Variants in NFATC4 observed in about 807,000 individuals in gnomAD.
NFATC4 encodes nuclear factor of activated T cells 4.
NFATC4 carries 25 observed loss-of-function variants against 73.4 expected under a neutral mutation model. That is an observed-to-expected ratio of 0.34 (90% CI 0.25 to 0.48). NFATC4 has a LOEUF of 0.48. NFATC4 is among the 20% of genes least tolerant of loss of function. The pLI, the probability that NFATC4 is intolerant of heterozygous loss-of-function variation, is 0.99. For synonymous variants in NFATC4, 523 were observed against 510.3 expected (o/e 1.02, Z -0.34); for missense variants, 1,130 against 1,203.7 (o/e 0.94, Z 0.91).
intron 2 of NFATC4, 172 bp from the exon 3 acceptor site, chr14:24,372,269 A>G: frequency 1.5e-6 from 1 of 672,678 alleles, no homozygotes; most frequent in Non-Finnish European, 2.4e-6. Flanking sequence ...TCCTTTTTTT[A>G]GTTTAAAAAA....
In NFATC4 at chr14:24,377,530, C is replaced by T. The variant is rs1039867773; in HGVS notation, c.2642-108C>T. Reference sequence around the variant, plus strand: ...GAATAGAAGCCAGTAGAGGAGGAATCTAGAGGCCTCCTAGATTAAGACCTG... The same window carrying T: ...GAATAGAAGCCAGTAGAGGAGGAATTTAGAGGCCTCCTAGATTAAGACCTG... On this transcript the variant is annotated intron_variant, in intron 9 of 9. Coordinates refer to ENST00000250373, the MANE Select transcript of NFATC4 (RefSeq NM_004554.5). This position sits in a 1 kb window ranked among gnomAD's most constrained non-coding sequence, Gnocchi z 4.2. 2.0e-5 allele frequency: 32 copies of T among 1,564,482 alleles called. No individual in the cohort carries two copies. Among genetic ancestry groups the T allele is most frequent in the Non-Finnish European group, 2.7e-5 (31 of 1,156,090 alleles).
intron 5 of NFATC4, chr14:24,374,115 G>A (rs1206640474): frequency 1.1e-6 from 1 of 883,344 alleles, no homozygotes; most frequent in Non-Finnish European, 1.8e-6. Context: ...GAAACTCCCT[G>A]GTCTACCCTG....
upstream of NFATC4, chr14:24,367,420 G>C (rs916363727): frequency 6.5e-7 from 1 of 1,535,652 alleles, no homozygotes; most frequent in Non-Finnish European, 8.7e-7. Context: ...GCTAATTCAC[G>C]GCCCCTCTGG....
chr14:24,367,093 C>T (rs760242590), upstream of NFATC4: 3 of 1,613,908 alleles, frequency 1.9e-6, no homozygotes, highest in Non-Finnish European at 2.5e-6. Context: ...CCGCCAGCCT[C>T]GCCAGTATCT....
chr14:24,379,524 A>C lies in NFATC4; in HGVS notation c.*1819A>C, dbSNP rs528779499. 6.6e-6 allele frequency: 1 copy of C among 152,384 alleles called. No individual in the cohort carries two copies. The highest frequency in any genetic ancestry group is 1.5e-5 in the Non-Finnish European group (1 of 68,044). The allele number at this position is 152,384 out of a possible 1,614,324, so 9.4% of individuals were successfully genotyped here. ...TGTCAGATATTTATTAAACAGCAGC[A>C]AAGTGCCAGCCAATTTGTCCTGGAG... is the stretch of plus-strand genomic sequence containing the variant. On this transcript the variant is annotated 3_prime_UTR_variant, in exon 10 of 10. Transcript: ENST00000250373.
chr14:24,369,459 CT>C lies in NFATC4; in HGVS notation c.101-37del, dbSNP rs1438920115. On this transcript the variant is annotated intron_variant, in intron 1 of 9. Transcript: ENST00000250373. ...ACATAGCCATCTCACCTGCTTCTCTCTTTCCCCCTCTCCCTCTGCTCCTCTT... is the reference window on the plus strand; with the variant it reads ...ACATAGCCATCTCACCTGCTTCTCTCTTCCCCCTCTCCCTCTGCTCCTCTT... 3.1e-6 allele frequency: 5 copies of C among 1,612,310 alleles called. No homozygotes were observed. The African/African-American group carries it at 6.7e-5, about 22-fold the overall frequency.
intron 2 of NFATC4, chr14:24,371,994 C>T (rs2042485515): frequency 6.3e-6 from 1 of 158,956 alleles, no homozygotes. Context: ...CAACGCACCT[C>T]AATTTTTTAA....
In NFATC4 at chr14:24,376,003, A is replaced by G; in HGVS notation, c.1958A>G (p.Tyr653Cys). 1 of 1,614,032 alleles carries G rather than the reference A, an allele frequency of 6.2e-7. No individual in the cohort carries two copies. Among genetic ancestry groups the G allele is most frequent in the Non-Finnish European group, 8.5e-7 (1 of 1,179,962 alleles). Residue 653 changes from tyrosine (Y) to cysteine (C), a missense_variant, in exon 8 of 10, where the codon TAC (tyrosine) becomes TGC (cysteine). Physicochemically the swap from Tyr to Cys is radical, Grantham distance 194. Transcript: ENST00000250373. The surrounding 1 kb of genome is among the most constrained non-coding windows in gnomAD (Gnocchi z 5.0). ...ACGCTGACCCTGACTGTCCCCGAGT[A>G]CAGCAACAAGAGGGTTTCCCGGCCA... ...EVTLTLTVPEYSNKRVSRPVQ... is the reference protein window; with the variant it reads ...EVTLTLTVPECSNKRVSRPVQ...
intron 6 of NFATC4, 147 bp from the exon 7 acceptor site, chr14:24,375,513 A>C (rs1566470080): frequency 1.4e-6 from 1 of 726,474 alleles, no homozygotes; most frequent in Non-Finnish European, 2.3e-6. Context: ...ATATTAAGTT[A>C]ACATGCAGTG....
chr14:24,375,156 C>A (rs1030048876), intron 6 of NFATC4, among the ~76,000 whole-genome samples: 2 of 152,066 alleles, frequency 1.3e-5, no homozygotes, highest in Admixed American at 6.5e-5. Flanking sequence ...CCACCTTGGC[C>A]TCCCAAGGTG....
In NFATC4 at chr14:24,369,518, C is replaced by G. The variant is rs755457001; in HGVS notation, c.120C>G (p.Ala40=). 92 of 1,610,224 alleles carry G rather than the reference C, an allele frequency of 5.7e-5. 1 individual carries two copies. The South Asian group carries it at 9.4e-4, about 16-fold the overall frequency. The change falls in exon 2 of 10, where the codon GCC becomes GCG. Residue 40 remains alanine, a synonymous_variant. Coordinates refer to ENST00000250373, the MANE Select transcript of NFATC4 (RefSeq NM_004554.5). Reference sequence around the variant, plus strand: ...TGACAGAACTGGACTCAGAGGATGCCCCGCCATGCTGCCGTCTGGCCTTGG... The same window carrying G: ...TGACAGAACTGGACTCAGAGGATGCGCCGCCATGCTGCCGTCTGGCCTTGG... The part of the protein sequence containing the change: ...GLGEELDSED[A]PPCCRLALGE...
Position 24,373,942 on chromosome 14 carries a change from A to T in NFATC4, c.1732+75A>T, listed in dbSNP as rs944994295. The T allele has an allele frequency of 1.3e-6, 2 of 1,580,756 alleles. No homozygotes were observed. The highest frequency in any genetic ancestry group is 8.6e-7 in the Non-Finnish European group (1 of 1,159,342). On this transcript the variant is annotated intron_variant, in intron 5 of 9. Coordinates refer to ENST00000250373, the MANE Select transcript of NFATC4 (RefSeq NM_004554.5). The surrounding 1 kb of genome is among the most constrained non-coding windows in gnomAD (Gnocchi z 4.7). ...TCTGTGTGTGTGTGTCTGTCTGCCC[A>T]TTCCCTCTGCAGCGTCCTGTGCCCT...
At position 24,373,164 on chromosome 14, in the gene NFATC4, C is replaced by A; in HGVS notation, c.1360-7C>A. The stretch of plus-strand genomic sequence containing the variant: ...TCAATGAGGTGGCCGCTCTCTCCCT[C>A]TGCCAGCTCCTAGGCTACAGTGAGA... On this transcript the variant is annotated splice_polypyrimidine_tract_variant and splice_region_variant and intron_variant, in intron 3 of 9. Coordinates refer to ENST00000250373, the MANE Select transcript of NFATC4 (RefSeq NM_004554.5). The surrounding 1 kb of genome is among the most constrained non-coding windows in gnomAD (Gnocchi z 4.7). The A allele has an allele frequency of 6.2e-7, 1 of 1,613,404 alleles. No individual in the cohort carries two copies.
At chr14:24,367,379 C>G (rs537523231), upstream of NFATC4, 20 of 1,535,850 alleles carry the variant, frequency 1.3e-5, no homozygotes, top group Middle Eastern at 5.3e-4. Context: ...GACTACAGTT[C>G]TAGGGAGGAG....
At position 24,373,539 on chromosome 14, in the gene NFATC4, C is replaced by A. The variant is rs922185943; in HGVS notation, c.1560-156C>A. On this transcript the variant is annotated intron_variant, in intron 4 of 9. Coordinates refer to ENST00000250373, the MANE Select transcript of NFATC4 (RefSeq NM_004554.5). The surrounding 1 kb of genome is among the most constrained non-coding windows in gnomAD (Gnocchi z 4.7). ...AGAGGACTTTTGGGGTTGGGGGTACCCCAGAGAGGCCATCTCTGGGTTAGA... is the reference window on the plus strand; with the variant it reads ...AGAGGACTTTTGGGGTTGGGGGTACACCAGAGAGGCCATCTCTGGGTTAGA... Among the ~76,000 whole-genome samples the A allele has an allele frequency of 5.3e-5, 8 of 152,170 alleles. No homozygotes were observed. The highest frequency in any genetic ancestry group is 1.2e-4 in the African/African-American group (5 of 41,432).
In NFATC4 at chr14:24,375,707, A is replaced by G; in HGVS notation, c.1921A>G (p.Ser641Gly). The stretch of plus-strand genomic sequence containing the variant: ...GGAGGCCACAGTGAACCGACTGCAG[A>G]GCAACGAGGTACCAGTGTCACTTGG... Reference protein sequence around the residue: ...EEEATVNRLQSNEVTLTLTVP... With the variant: ...EEEATVNRLQGNEVTLTLTVP... Residue 641 changes from serine (S) to glycine (G), a missense_variant, in exon 7 of 10, where the codon AGC (serine) becomes GGC (glycine). Coordinates refer to ENST00000250373, the MANE Select transcript of NFATC4 (RefSeq NM_004554.5). The G allele has an allele frequency of 6.8e-7, 1 of 1,474,646 alleles. No homozygotes were observed. The highest frequency in any genetic ancestry group is 2.6e-5 in the East Asian group (1 of 37,764). The allele number at this position is 1,474,646 out of a possible 1,614,324, so 91.3% of individuals were successfully genotyped here. A position where few individuals can be genotyped will look rare whatever the true frequency, so the allele number is the denominator to read the frequency against.
rs1594723916 is a variant in NFATC4 at position 24,377,596 on chromosome 14, A to G, written c.2642-42A>G. 1 of 1,612,864 alleles carries G rather than the reference A, an allele frequency of 6.2e-7. No individual in the cohort carries two copies. On this transcript the variant is annotated intron_variant, in intron 9 of 9. Coordinates refer to ENST00000250373, the MANE Select transcript of NFATC4 (RefSeq NM_004554.5). This position sits in a 1 kb window ranked among gnomAD's most constrained non-coding sequence, Gnocchi z 4.2. ...GGGTGGGTCTTTGGAAAAGGAGGGGACCCACCTCTAGCCCAGTCTCTCAAC... is the reference window on the plus strand; with the variant it reads ...GGGTGGGTCTTTGGAAAAGGAGGGGGCCCACCTCTAGCCCAGTCTCTCAAC...
In NFATC4 at chr14:24,370,473, G is replaced by A; in HGVS notation, c.1075G>A (p.Glu359Lys). The change falls in exon 2 of 10, where the codon GAG becomes AAG. Residue 359 changes from glutamate (E) to lysine (K), a missense_variant. Glu to Lys is a moderately conservative substitution (Grantham distance 56, BLOSUM62 1). This residue lies in a region of NFATC4 where 585 missense variants were observed against 574.3 expected (regional missense o/e 1.02). Coordinates refer to ENST00000250373, the MANE Select transcript of NFATC4 (RefSeq NM_004554.5). ...CAATGGGAAGCTGCCCTTGGGAGCA[G>A]AGGAGTCTGTGGCTCCTCCAGGAGG... ...SCNGKLPLGAEESVAPPGGSR... is the reference protein window; with the variant it reads ...SCNGKLPLGAKESVAPPGGSR... 6.2e-7 allele frequency: 1 copy of A among 1,614,206 alleles called. No homozygotes were observed. The highest frequency in any genetic ancestry group is 8.5e-7 in the Non-Finnish European group (1 of 1,180,032).
chr14:24,368,785 C>G (rs773652882), intron 1 of NFATC4, among the ~76,000 whole-genome samples: 157 of 151,970 alleles, frequency 1.0e-3, no homozygotes, highest in Non-Finnish European at 1.9e-3. Context: ...TGGCCCCTGG[C>G]GGACCGAGCT....
Sources: allele counts gnomAD v4.1 joint callset (sites outside exome capture counted in the v4.1 genomes callset), GRCh38; gene constraint gnomAD v4.1.1; regional missense constraint gnomAD v4.1.1; non-coding constraint Gnocchi (gnomAD v3.1); transcripts MANE v1.5; gene names NCBI Gene and HGNC (gene_info 2026-07-23, HGNC 2026-07-21).